Variants in CCER1 observed in about 807,000 individuals in gnomAD.
The protein encoded by CCER1 is coiled-coil domain-containing glutamate-rich protein 1.
For missense variants in CCER1, 573 were observed against 524.5 expected (o/e 1.09, Z -0.90); for synonymous variants, 246 against 213.8 (o/e 1.15, Z -1.31).
Position 90,953,807 on chromosome 12 carries a change from TTCC to T in CCER1, c.933_935del (p.Glu313del). ...CTTCTTCCTCCTCATCTTCGACCTC[TTCC>T]TCCTCATCTTCGACCTCTTCTTCCT... On this transcript the variant is annotated inframe_deletion, in exon 1 of 1. Coordinates refer to ENST00000358859, the MANE Select transcript of CCER1 (RefSeq NM_152638.4). 1 of 1,546,826 alleles carries T rather than the reference TTCC, an allele frequency of 6.5e-7. No individual in the cohort carries two copies. Among genetic ancestry groups the T allele is most frequent in the Non-Finnish European group, 8.9e-7 (1 of 1,119,454 alleles).
In CCER1 at chr12:90,954,367, TC is replaced by T. The variant is rs1876580787; in HGVS notation, c.375del (p.Trp125Ter). ...ACCCAGCCAGGGTTCCAGGACCCGC[TC>T]CAGCAGGAGCAGCAGCAAAAGCAGA... Reference protein sequence around the residue: ...HPLCFCCCSCWSGSWNPGWVK... With the variant: ...HPLCFCCCSCXSGSWNPGWVK... On this transcript the variant is annotated frameshift_variant, in exon 1 of 1. Coordinates refer to ENST00000358859, the MANE Select transcript of CCER1 (RefSeq NM_152638.4). LOFTEE classifies it low-confidence loss of function (END_TRUNC). The T allele has an allele frequency of 6.2e-7, 1 of 1,610,704 alleles. No homozygotes were observed. The highest frequency in any genetic ancestry group is 8.5e-7 in the Non-Finnish European group (1 of 1,179,904).
chr12:90,954,259 G>C lies in CCER1; in HGVS notation c.484C>G (p.Pro162Ala). 6.2e-7 allele frequency: 1 copy of C among 1,603,662 alleles called. No homozygotes were observed. Among genetic ancestry groups the C allele is most frequent in the South Asian group, 1.1e-5 (1 of 90,954 alleles). The change falls in exon 1 of 1, where the codon CCG (proline) becomes GCG (alanine). Residue 162 changes from proline (P) to alanine (A), a missense_variant. Physicochemically the swap from Pro to Ala is conservative, Grantham distance 27 (BLOSUM62 -1). Coordinates refer to ENST00000358859, the MANE Select transcript of CCER1 (RefSeq NM_152638.4). ...HHPRHSYPRS[P>A]PADVSTLPRP... ...GGCAGCGTGCTCACATCCGCTGGCGGGCTCCGCGGGTAGGAGTGGCGAGGG... is the reference window on the plus strand; with the variant it reads ...GGCAGCGTGCTCACATCCGCTGGCGCGCTCCGCGGGTAGGAGTGGCGAGGG...
Position 90,953,047 on chromosome 12 carries a change from C to T in CCER1, c.*475G>A, listed in dbSNP as rs1876517659. On this transcript the variant is annotated 3_prime_UTR_variant, in exon 1 of 1. Transcript: ENST00000358859. ...GAGGAAAAATATTGTTGAAAAAATA[C>T]AGGGATTGAAAATGGCTTCAGTTAT... The T allele has an allele frequency of 6.5e-6, 1 of 153,408 alleles. No individual in the cohort carries two copies. Among genetic ancestry groups the T allele is most frequent in the Admixed American group, 6.5e-5 (1 of 15,310 alleles). The allele number at this position is 153,408 out of a possible 1,614,324, so 9.5% of individuals were successfully genotyped here.
rs1454521963 is a variant in CCER1, at chr12:90,954,079, T to C, written c.664A>G (p.Ser222Gly). 2 of 1,613,572 alleles carry C rather than the reference T, an allele frequency of 1.2e-6. No individual in the cohort carries two copies. The highest frequency in any genetic ancestry group is 2.7e-5 in the African/African-American group (2 of 74,926). The change falls in exon 1 of 1, where the codon AGC becomes GGC. Residue 222 changes from serine to glycine, a missense_variant. Physicochemically the swap from Ser to Gly is moderately conservative, Grantham distance 56. Coordinates refer to ENST00000358859, the MANE Select transcript of CCER1 (RefSeq NM_152638.4). Reference sequence around the variant, plus strand: ...GATCTGGCTGGGGAGGCCTCGCCGCTCACCGTGGCCTTCTGCGCCCGCAGC... The same window carrying C: ...GATCTGGCTGGGGAGGCCTCGCCGCCCACCGTGGCCTTCTGCGCCCGCAGC... The part of the protein sequence containing the change: ...EALRAQKATV[S>G]GEASPARSSG...
Position 90,954,604 on chromosome 12 carries a change from C to A in CCER1, c.139G>T (p.Ala47Ser), listed in dbSNP as rs888143688. 6 of 1,613,802 alleles carry A rather than the reference C, an allele frequency of 3.7e-6. No individual in the cohort carries two copies. The highest frequency in any genetic ancestry group is 5.1e-6 in the Non-Finnish European group (6 of 1,179,976). Residue 47 changes from alanine (A) to serine (S), a missense_variant, in exon 1 of 1, where the codon GCG (alanine) becomes TCG (serine). By Grantham distance (99) the Ala-to-Ser change is moderately conservative. Coordinates refer to ENST00000358859, the MANE Select transcript of CCER1 (RefSeq NM_152638.4). Reference protein sequence around the residue: ...SCHRRRPGAPAYNRPHRYSPK... With the variant: ...SCHRRRPGAPSYNRPHRYSPK... ...CTATATCGGTGCGGTCTATTGTACG[C>A]TGGAGCACCCGGGCGCCTTCGATGG...
chr12:90,953,207 T>C lies in CCER1; in HGVS notation c.*315A>G. On this transcript the variant is annotated 3_prime_UTR_variant, in exon 1 of 1. Coordinates refer to ENST00000358859, the MANE Select transcript of CCER1 (RefSeq NM_152638.4). ...TTCAAAAACAAACGCTTTTTCAGCA[T>C]TGCCAGATTTAAAAAAACAACAGCA... 1 of 269,508 alleles carries C rather than the reference T, an allele frequency of 3.7e-6. No individual in the cohort carries two copies. The highest frequency in any genetic ancestry group is 1.1e-3 in the Middle Eastern group (1 of 922). The allele number at this position is 269,508 out of a possible 1,614,324, so 16.7% of individuals were successfully genotyped here. A position where few individuals can be genotyped will look rare whatever the true frequency, so the allele number is the denominator to read the frequency against.
Position 90,953,180 on chromosome 12 carries a change from G to C in CCER1, c.*342C>G, listed in dbSNP as rs1876522082. On this transcript the variant is annotated 3_prime_UTR_variant, in exon 1 of 1. Coordinates refer to ENST00000358859, the MANE Select transcript of CCER1 (RefSeq NM_152638.4). The stretch of plus-strand genomic sequence containing the variant: ...TTAAGTGGCCAAGTTGTATAAATTT[G>C]TTTCAAAAACAAACGCTTTTTCAGC... The C allele has an allele frequency of 4.5e-6, 1 of 220,514 alleles. No individual in the cohort carries two copies. The highest frequency in any genetic ancestry group is 1.4e-4 in the South Asian group (1 of 7,078). The allele number at this position is 220,514 out of a possible 1,614,324, so 13.7% of individuals were successfully genotyped here.
chr12:90,954,104 C>T lies in CCER1; in HGVS notation c.639G>A (p.Ala213=), dbSNP rs78693339. 5.2e-3 allele frequency: 8,370 copies of T among 1,612,974 alleles called. 377 individuals carry two copies. The African/African-American group carries it at 0.095, about 18-fold the overall frequency. Residue 213 remains alanine (A), a synonymous_variant, in exon 1 of 1, where the codon GCG becomes GCA. Transcript: ENST00000358859. The part of the protein sequence containing the change: ...QQEKVERQQE[A]LRAQKATVSG... ...TCACCGTGGCCTTCTGCGCCCGCAG[C>T]GCCTCCTGCTGACGCTCCACCTTCT...
At position 90,953,403 on chromosome 12, in the gene CCER1, G is replaced by A. The variant is rs1297905211; in HGVS notation, c.*119C>T. 4.2e-6 allele frequency: 5 copies of A among 1,187,400 alleles called. No homozygotes were observed. The highest frequency in any genetic ancestry group is 5.7e-6 in the Non-Finnish European group (5 of 869,918). The allele number at this position is 1,187,400 out of a possible 1,614,324, so 73.6% of individuals were successfully genotyped here. On this transcript the variant is annotated 3_prime_UTR_variant, in exon 1 of 1. Coordinates refer to ENST00000358859, the MANE Select transcript of CCER1 (RefSeq NM_152638.4). ...TAAACATTTTATAATGGCCAAAGAA[G>A]GTGTTTACATAGATCTGTTTATTAA... is the stretch of plus-strand genomic sequence containing the variant.
In CCER1 at chr12:90,955,006, T is replaced by C. The variant is rs1253439808; in HGVS notation, c.-264A>G. On this transcript the variant is annotated 5_prime_UTR_variant, in exon 1 of 1. Coordinates refer to ENST00000358859, the MANE Select transcript of CCER1 (RefSeq NM_152638.4). ...TGGGACTGGGGCTGGGTAAGGATGG[T>C]GGGGGAGGAAGGTGTTGGCAGGCGA... is the stretch of plus-strand genomic sequence containing the variant. 2.0e-5 allele frequency: 12 copies of C among 607,636 alleles called. No individual in the cohort carries two copies. In the East Asian group the frequency reaches 3.3e-4, roughly 17 times the overall value. 37.6% of individuals were successfully genotyped at this position (607,636 alleles called of 1,614,324 possible). A position where few individuals can be genotyped will look rare whatever the true frequency, so the allele number is the denominator to read the frequency against.
Position 90,954,942 on chromosome 12 carries a change from G to T in CCER1, c.-200C>A. Reference sequence around the variant, plus strand: ...GCACGCTCTTCGGTAGTAATCGCTTGTCCTTCGCACCTGGGTTGTCTCGCC... The same window carrying T: ...GCACGCTCTTCGGTAGTAATCGCTTTTCCTTCGCACCTGGGTTGTCTCGCC... On this transcript the variant is annotated 5_prime_UTR_variant, in exon 1 of 1. Transcript: ENST00000358859. 9.5e-7 allele frequency: 1 copy of T among 1,048,364 alleles called. No individual in the cohort carries two copies. The highest frequency in any genetic ancestry group is 1.4e-6 in the Non-Finnish European group (1 of 737,284). The allele number at this position is 1,048,364 out of a possible 1,614,324, so 64.9% of individuals were successfully genotyped here.
rs1160335159 is a variant in CCER1 at position 90,955,114 on chromosome 12, C to T, written c.-372G>A. The T allele has an allele frequency of 6.4e-6, 2 of 312,830 alleles. No individual in the cohort carries two copies. Among genetic ancestry groups the T allele is most frequent in the Non-Finnish European group, 6.3e-6 (1 of 159,726 alleles). The allele number at this position is 312,830 out of a possible 1,614,324, so 19.4% of individuals were successfully genotyped here. A position where few individuals can be genotyped will look rare whatever the true frequency, so the allele number is the denominator to read the frequency against. ...CTGGGGCCGGGGGAGGCAGGGGTTG[C>T]GCAGTTACCTGCTGCTCCCTCTCAA... On this transcript the variant is annotated 5_prime_UTR_variant, in exon 1 of 1. Coordinates refer to ENST00000358859, the MANE Select transcript of CCER1 (RefSeq NM_152638.4).
chr12:90,954,491 G>A lies in CCER1; in HGVS notation c.252C>T (p.Asn84=), dbSNP rs868391652. Residue 84 remains asparagine, a synonymous_variant, in exon 1 of 1, where the codon AAC becomes AAT. Transcript: ENST00000358859. ...GFWFQPPVCS[N]WGCWGGPWRP... ...GCCAGGGCCCTCCCCAGCACCCCCA[G>A]TTAGAGCACACGGGTGGTTGGAACC... The A allele has an allele frequency of 1.2e-6, 2 of 1,611,200 alleles. No individual in the cohort carries two copies. The highest frequency in any genetic ancestry group is 1.7e-6 in the Non-Finnish European group (2 of 1,177,894).
Position 90,953,624 on chromosome 12 carries a change from T to A in CCER1, c.1119A>T (p.Glu373Asp). 6.2e-7 allele frequency: 1 copy of A among 1,614,166 alleles called. No individual in the cohort carries two copies. Among genetic ancestry groups the A allele is most frequent in the Non-Finnish European group, 8.5e-7 (1 of 1,180,032 alleles). ...MPLSIFVEAE[E>D]KRENFISCTF... ...TGCAGCTTATAAAGTTCTCTCTCTT[T>A]TCTTCAGCCTCTACGAAGATTGATA... Residue 373 changes from glutamate to aspartate, a missense_variant, in exon 1 of 1, where the codon GAA becomes GAT. By Grantham distance (45) the Glu-to-Asp change is conservative. Coordinates refer to ENST00000358859, the MANE Select transcript of CCER1 (RefSeq NM_152638.4).
At position 90,953,625 on chromosome 12, in the gene CCER1, T is replaced by C; in HGVS notation, c.1118A>G (p.Glu373Gly). The C allele has an allele frequency of 1.9e-6, 3 of 1,614,180 alleles. No homozygotes were observed. In the South Asian group the frequency reaches 3.3e-5, roughly 18 times the overall value. Residue 373 changes from glutamate to glycine, a missense_variant, in exon 1 of 1, where the codon GAA (glutamate) becomes GGA (glycine). By Grantham distance (98) the Glu-to-Gly change is moderately conservative. Transcript: ENST00000358859. ...GCAGCTTATAAAGTTCTCTCTCTTT[T>C]CTTCAGCCTCTACGAAGATTGATAA... ...MPLSIFVEAEEKRENFISCTF... is the reference protein window; with the variant it reads ...MPLSIFVEAEGKRENFISCTF...
chr12:90,954,040 C>G lies in CCER1; in HGVS notation c.703G>C (p.Ala235Pro), dbSNP rs371609462. ...GTTTCCTTGCTGCCGCCAGGGGGCG[C>G]GTCGTTTCCGGAGGATCTGGCTGGG... ...ASPARSSGND[A>P]PPGGSKETWG... The change falls in exon 1 of 1, where the codon GCG (alanine) becomes CCG (proline). Residue 235 changes from alanine to proline, a missense_variant. Transcript: ENST00000358859. The G allele has an allele frequency of 1.2e-6, 2 of 1,614,036 alleles. No homozygotes were observed. Among genetic ancestry groups the G allele is most frequent in the African/African-American group, 2.7e-5 (2 of 74,942 alleles).
rs1194841862 is a variant in CCER1, at chr12:90,953,388, A to G, written c.*134T>C. On this transcript the variant is annotated 3_prime_UTR_variant, in exon 1 of 1. Transcript: ENST00000358859. ...ATACGCATCAAATTTTAAACATTTT[A>G]TAATGGCCAAAGAAGGTGTTTACAT... 7 of 1,105,160 alleles carry G rather than the reference A, an allele frequency of 6.3e-6. No homozygotes were observed. Among genetic ancestry groups the G allele is most frequent in the Non-Finnish European group, 8.7e-6 (7 of 801,062 alleles). The allele number at this position is 1,105,160 out of a possible 1,614,324, so 68.5% of individuals were successfully genotyped here.
In CCER1 at chr12:90,953,466, A is replaced by G; in HGVS notation, c.*56T>C. The G allele has an allele frequency of 6.5e-7, 1 of 1,528,622 alleles. No homozygotes were observed. The highest frequency in any genetic ancestry group is 8.8e-7 in the Non-Finnish European group (1 of 1,142,656). The allele number at this position is 1,528,622 out of a possible 1,614,324, so 94.7% of individuals were successfully genotyped here. ...TTTAATCAGTTTTTAATAAATTGCT[A>G]ATCCAGTTTAGCCTCAAATCAGTTC... On this transcript the variant is annotated 3_prime_UTR_variant, in exon 1 of 1. Transcript: ENST00000358859.
rs374385699 is a variant in CCER1, at chr12:90,954,234, G to C, written c.509C>G (p.Pro170Arg). ...CCACTCATACAGCTTGACCGGCCGCGGCAGCGTGCTCACATCCGCTGGCGG... is the reference window on the plus strand; with the variant it reads ...CCACTCATACAGCTTGACCGGCCGCCGCAGCGTGCTCACATCCGCTGGCGG... ...RSPPADVSTLPRPVKLYEWRE... is the reference protein window; with the variant it reads ...RSPPADVSTLRRPVKLYEWRE... The change falls in exon 1 of 1, where the codon CCG becomes CGG. Residue 170 changes from proline (P) to arginine (R), a missense_variant. Coordinates refer to ENST00000358859, the MANE Select transcript of CCER1 (RefSeq NM_152638.4). 23 of 1,606,470 alleles carry C rather than the reference G, an allele frequency of 1.4e-5. No individual in the cohort carries two copies. In the African/African-American group the frequency reaches 2.8e-4, roughly 20 times the overall value.
Sources: allele counts gnomAD v4.1 joint callset, GRCh38; gene constraint gnomAD v4.1.1; transcripts MANE v1.5; gene names NCBI Gene and HGNC (gene_info 2026-07-23, HGNC 2026-07-21).